The following RABGAP1L variants were observed in gnomAD, a reference collection of about 807,000 sequenced individuals.
The protein encoded by RABGAP1L is rab GTPase-activating protein 1-like.
A neutral mutation model predicts 137.7 loss-of-function variants in RABGAP1L; 63 were observed. The observed-to-expected ratio is 0.46, with a 90% CI of 0.37 to 0.56. The LOEUF (loss-of-function observed/expected upper bound fraction) is 0.56, where lower values mean the gene tolerates loss of function less well. Among genes scored for constraint, RABGAP1L ranks in the 20% least tolerant of loss-of-function variants. RABGAP1L has a pLI of 0.00. For missense variants in RABGAP1L, 1,095 were observed against 1,244.0 expected (o/e 0.88, Z 1.80); for synonymous variants, 431 against 433.7 (o/e 0.99, Z 0.08).
intron 14 of RABGAP1L, among the ~76,000 whole-genome samples, chr1:174,665,447 CCGCCT>C (rs1349378771): frequency 1.3e-5 from 2 of 150,446 alleles, no homozygotes; most frequent in South Asian, 2.1e-4. Context: ...CCGCCCCGCC[CCGCCT>C]CGCCTTGCCT....
At chr1:174,359,260 C>T (rs1296707959) in intron 11 of RABGAP1L, among the ~76,000 whole-genome samples, 1 of 151,810 alleles carries the variant, frequency 6.6e-6, no homozygotes, top group Non-Finnish European at 1.5e-5. Context: ...ATTCTTATTT[C>T]CTTTTTAGTT....
In RABGAP1L at chr1:174,481,226, A is replaced by G. The variant is rs1406709857; in HGVS notation, c.1710+87081A>G. 7.9e-5 allele frequency among the ~76,000 whole-genome samples: 12 copies of G among 152,332 alleles called. No homozygotes were observed. In the East Asian group the frequency reaches 2.3e-3, roughly 29 times the overall value. ...AGCACTTGACTATGCTTATTTGAAGATCATCAGTGATACACTAATTAAAAC... is the reference window on the plus strand; with the variant it reads ...AGCACTTGACTATGCTTATTTGAAGGTCATCAGTGATACACTAATTAAAAC... On this transcript the variant is annotated intron_variant, in intron 13 of 25. Transcript: ENST00000681986.
intron 13 of RABGAP1L, among the ~76,000 whole-genome samples, chr1:174,606,518 T>C (rs1365883588): frequency 6.6e-6 from 1 of 152,250 alleles, no homozygotes; most frequent in Non-Finnish European, 1.5e-5. Context: ...AATTGGTTGG[T>C]CTTTATTTGG....
At chr1:174,395,690 T>C (rs1260964774) in intron 13 of RABGAP1L, among the ~76,000 whole-genome samples, 1 of 152,118 alleles carries the variant, frequency 6.6e-6, no homozygotes, top group Non-Finnish European at 1.5e-5. Flanking sequence ...GATTTGTTCA[T>C]ATGAATATCT....
rs1425261762 is a variant in RABGAP1L, at chr1:174,380,713, A to G, written c.1559+9641A>G. Among the ~76,000 whole-genome samples the G allele has an allele frequency of 3.0e-5, 4 of 132,854 alleles. No homozygotes were observed. In the East Asian group the frequency reaches 9.0e-4, roughly 30 times the overall value. 87.2% of individuals were successfully genotyped at this position (132,854 alleles called of 152,430 possible). A position where few individuals can be genotyped will look rare whatever the true frequency, so the allele number is the denominator to read the frequency against. On this transcript the variant is annotated intron_variant, in intron 12 of 25. Transcript: ENST00000681986. ...TATTAGTCTTGCTAGCGGTCTATCA[A>G]TTTTGTTGATCCTTTCAAAAAACCA...
intron 18 of RABGAP1L, among the ~76,000 whole-genome samples, chr1:174,774,515 C>T (rs1686372350): frequency 6.6e-6 from 1 of 151,790 alleles, no homozygotes; most frequent in Admixed American, 6.6e-5. Context: ...CCCTGGGTGA[C>T]AGAGTGAGAT....
At chr1:174,547,889 A>T (rs1666147941) in intron 13 of RABGAP1L, 2 of 1,547,876 alleles carry the variant, frequency 1.3e-6, no homozygotes, top group African/African-American at 2.7e-5. Flanking sequence ...CTAGTTAAAT[A>T]TGAAGGGTCT....
intron 13 of RABGAP1L, among the ~76,000 whole-genome samples, chr1:174,409,154 G>A (rs898707524): frequency 1.3e-5 from 2 of 152,140 alleles, no homozygotes; most frequent in South Asian, 2.1e-4. Context: ...CAGGGACCCC[G>A]AACGGAGGGA....
intron 13 of RABGAP1L, among the ~76,000 whole-genome samples, chr1:174,546,144 A>G (rs888617843): frequency 1.3e-5 from 2 of 152,212 alleles, no homozygotes; most frequent in Non-Finnish European, 2.9e-5. Context: ...GTATTAGGAA[A>G]AAAAGTCCTT....
intron 17 of RABGAP1L, among the ~76,000 whole-genome samples, chr1:174,711,631 C>T (rs1680528272): frequency 6.6e-6 from 1 of 152,186 alleles, no homozygotes; most frequent in African/African-American, 2.4e-5. Flanking sequence ...GCTGCCTCCC[C>T]ATAGGGCAGG....
intron 1 of RABGAP1L, among the ~76,000 whole-genome samples, chr1:174,189,132 A>C (rs1163587021): frequency 6.6e-6 from 1 of 152,020 alleles, no homozygotes; most frequent in Admixed American, 6.6e-5. Context: ...CAGCCTCCCG[A>C]GTAGCTGGGA....
At chr1:174,587,502 A>G (rs907070414) in intron 13 of RABGAP1L, among the ~76,000 whole-genome samples, 87 of 151,786 alleles carry the variant, frequency 5.7e-4, no homozygotes, top group South Asian at 2.7e-3. Flanking sequence ...ATGAGAAGAA[A>G]AATCACGTCT....
chr1:174,415,087 T>A (rs950138171), intron 13 of RABGAP1L, among the ~76,000 whole-genome samples: 2 of 152,132 alleles, frequency 1.3e-5, no homozygotes, highest in African/African-American at 4.8e-5. Flanking sequence ...ACTTTAAAGC[T>A]TTATTCCATA....
intron 19 of RABGAP1L, among the ~76,000 whole-genome samples, chr1:174,955,784 G>A (rs1414415645): frequency 6.6e-6 from 1 of 152,144 alleles, no homozygotes; most frequent in Admixed American, 6.5e-5. Flanking sequence ...AGGTGTTGCT[G>A]TGTAAAGGAA....
intron 4 of RABGAP1L, chr1:174,238,977 CT>C: frequency 6.4e-6 from 1 of 157,322 alleles, no homozygotes; most frequent in Non-Finnish European, 1.4e-5. Flanking sequence ...GTGGTGCGCC[CT>C]TTTTTAAGCC....
intron 13 of RABGAP1L, among the ~76,000 whole-genome samples, chr1:174,562,090 T>A (rs1444098440): frequency 6.6e-6 from 1 of 152,228 alleles, no homozygotes; most frequent in East Asian, 1.9e-4. Context: ...TGGAGAAAAT[T>A]TTTGCAATCT....
intron 14 of RABGAP1L, among the ~76,000 whole-genome samples, chr1:174,639,187 T>C (rs1443055663): frequency 1.3e-5 from 2 of 152,144 alleles, no homozygotes; most frequent in African/African-American, 4.8e-5. Context: ...TTTTTCTCTC[T>C]CTCATATTTT....
Position 174,627,318 on chromosome 1 carries a change from A to G in RABGAP1L, c.1711-10057A>G, listed in dbSNP as rs1037735517. Among the ~76,000 whole-genome samples, 3 of 152,234 alleles carry G rather than the reference A, an allele frequency of 2.0e-5. No homozygotes were observed. The South Asian group carries it at 6.2e-4, about 32-fold the overall frequency. ...CCAGAAATTGGTCATAAAAAATAAT[A>G]GGCTGTGGTCATACAAAGCTGTCTT... On this transcript the variant is annotated intron_variant, in intron 13 of 25. Transcript: ENST00000681986.
chr1:174,251,091 G>A (rs948014111), intron 6 of RABGAP1L, among the ~76,000 whole-genome samples: 1 of 152,190 alleles, frequency 6.6e-6, no homozygotes, highest in Non-Finnish European at 1.5e-5. Context: ...GTGAGCCACC[G>A]CGCTTGGTCA....
Sources: allele counts gnomAD v4.1 joint callset (sites outside exome capture counted in the v4.1 genomes callset), GRCh38; gene constraint gnomAD v4.1.1; transcripts MANE v1.5; gene names NCBI Gene and HGNC (gene_info 2026-07-23, HGNC 2026-07-21).